Variants in OXR1 observed in about 807,000 individuals in gnomAD.
The protein encoded by OXR1 is oxidation resistance 1, also known as oxidation resistance protein 1.
A neutral mutation model predicts 104.6 loss-of-function variants in OXR1; 41 were observed. The ratio of observed to expected loss-of-function variants is 0.39; its 90% CI spans 0.31 to 0.51. OXR1 has a LOEUF of 0.51. Among genes scored for constraint, OXR1 ranks in the 20% least tolerant of loss-of-function variants. The pLI is 0.77. For missense variants in OXR1, 955 were observed against 1,031.9 expected (o/e 0.93, Z 1.02); for synonymous variants, 348 against 348.4 (o/e 1.00, Z 0.01).
At position 106,500,659 on chromosome 8, in the gene OXR1, C is replaced by A. The variant is rs546099604; in HGVS notation, c.24-18284C>A. ...GTTTTGTCTGTGGCTCATCCTGCTA[C>A]AATACATTGAAGCGTTACATCCAAG... is the stretch of plus-strand genomic sequence containing the variant. On this transcript the variant is annotated intron_variant, in intron 2 of 16. Coordinates refer to ENST00000517566, the MANE Select transcript of OXR1 (RefSeq NM_001198533.2). Among the ~76,000 whole-genome samples, 83 of 152,192 alleles carry A rather than the reference C, an allele frequency of 5.5e-4. 1 individual carries two copies. Among genetic ancestry groups the A allele is most frequent in the Non-Finnish European group, 9.8e-4 (67 of 68,046 alleles).
At chr8:106,574,080 A>C (rs1274529605) in intron 3 of OXR1, among the ~76,000 whole-genome samples, 1 of 152,216 alleles carries the variant, frequency 6.6e-6, no homozygotes. Context: ...TGGCTACTAA[A>C]TATAGTGATT....
chr8:106,395,663 TAG>T (rs1373064626), intron 2 of OXR1, among the ~76,000 whole-genome samples: 1 of 152,094 alleles, frequency 6.6e-6, no homozygotes, highest in Non-Finnish European at 1.5e-5. Context: ...CATAAAAGTA[TAG>T]ATATGTGTGT....
intron 1 of OXR1, among the ~76,000 whole-genome samples, chr8:106,324,548 G>GA (rs57979286): frequency 0.35 from 50,137 of 143,588 alleles, 10,730 homozygotes; most frequent in African/African-American, 0.63. Flanking sequence ...TACAAAAAAA[G>GA]AAAAAAAAAA....
At chr8:106,382,475 A>T (rs115646391) in intron 2 of OXR1, among the ~76,000 whole-genome samples, 1 of 152,108 alleles carries the variant, frequency 6.6e-6, no homozygotes, top group African/African-American at 2.4e-5. Context: ...CATATAACTA[A>T]CATTGATCTA....
At chr8:106,548,354 A>G (rs1815538342) in intron 3 of OXR1, among the ~76,000 whole-genome samples, 1 of 152,216 alleles carries the variant, frequency 6.6e-6, no homozygotes, top group Non-Finnish European at 1.5e-5. Context: ...CCAACAAGCC[A>G]AAATGTCCCT....
intron 2 of OXR1, among the ~76,000 whole-genome samples, chr8:106,419,665 G>A (rs1046387140): frequency 6.6e-6 from 1 of 152,164 alleles, no homozygotes; most frequent in Non-Finnish European, 1.5e-5. Context: ...ATTGTTGGGA[G>A]ACAGGCTTTT....
At chr8:106,484,013 G>T (rs1222649548) in intron 2 of OXR1, among the ~76,000 whole-genome samples, 1 of 152,028 alleles carries the variant, frequency 6.6e-6, no homozygotes, top group African/African-American at 2.4e-5. Flanking sequence ...CCTTGGGTAT[G>T]GTGATGATTT....
At chr8:106,636,154 G>A (rs763528903) in intron 3 of OXR1, among the ~76,000 whole-genome samples, 20 of 152,124 alleles carry the variant, frequency 1.3e-4, no homozygotes, top group Non-Finnish European at 2.8e-4. Flanking sequence ...ATTTAATAGA[G>A]TCCTGTACTA....
intron 2 of OXR1, among the ~76,000 whole-genome samples, chr8:106,406,921 G>T (rs1468321476): frequency 7.0e-6 from 1 of 141,880 alleles, no homozygotes; most frequent in African/African-American, 2.9e-5. Flanking sequence ...AAGTAATTGC[G>T]GTTCTTGCTG....
At chr8:106,422,914 T>C (rs1818964044) in intron 2 of OXR1, among the ~76,000 whole-genome samples, 1 of 152,158 alleles carries the variant, frequency 6.6e-6, no homozygotes, top group Non-Finnish European at 1.5e-5. Context: ...GTCTGAATAG[T>C]GCCTACTAAA....
At chr8:106,536,958 T>C (rs931995059) in intron 3 of OXR1, among the ~76,000 whole-genome samples, 34 of 152,194 alleles carry the variant, frequency 2.2e-4, no homozygotes, top group Non-Finnish European at 3.8e-4. Flanking sequence ...TGAATTGTTA[T>C]GACAAATTAC....
intron 3 of OXR1, among the ~76,000 whole-genome samples, chr8:106,532,964 T>C (rs1005823948): frequency 2.0e-5 from 3 of 152,348 alleles, no homozygotes; most frequent in Admixed American, 1.3e-4. Flanking sequence ...TGTTGATACA[T>C]TGCTATTAAT....
intron 3 of OXR1, among the ~76,000 whole-genome samples, chr8:106,618,545 C>G (rs761869162): frequency 6.6e-6 from 1 of 152,198 alleles, no homozygotes; most frequent in Non-Finnish European, 1.5e-5. Flanking sequence ...CTCTTCATGT[C>G]CAGTGGCCAT....
intron 2 of OXR1, among the ~76,000 whole-genome samples, chr8:106,500,203 T>A (rs1246600964): frequency 1.3e-5 from 2 of 152,220 alleles, no homozygotes; most frequent in African/African-American, 4.8e-5. Context: ...GACCCTCTCA[T>A]ATTATTTTAT....
intron 2 of OXR1, among the ~76,000 whole-genome samples, chr8:106,363,156 A>C (rs1297796134): frequency 6.6e-6 from 1 of 152,238 alleles, no homozygotes; most frequent in East Asian, 1.9e-4. Flanking sequence ...ACTAGTGAGC[A>C]TCTATAACAT....
At chr8:106,700,212 A>G (rs545335890) in intron 7 of OXR1, among the ~76,000 whole-genome samples, 1 of 152,316 alleles carries the variant, frequency 6.6e-6, no homozygotes, top group South Asian at 2.1e-4. Flanking sequence ...CTTGCTCATA[A>G]TAGTCTTAAT....
chr8:106,515,952 A>G (rs1812829234), intron 2 of OXR1, among the ~76,000 whole-genome samples: 1 of 152,048 alleles, frequency 6.6e-6, no homozygotes, highest in African/African-American at 2.4e-5. Context: ...TGATTCTTTT[A>G]CCATGTGATG....
At chr8:106,299,902 C>T (rs1281611201) in intron 1 of OXR1, among the ~76,000 whole-genome samples, 1 of 152,116 alleles carries the variant, frequency 6.6e-6, no homozygotes, top group Admixed American at 6.5e-5. Flanking sequence ...AAGAGACGGA[C>T]ACGTTGTAGA....
intron 1 of OXR1, among the ~76,000 whole-genome samples, chr8:106,320,699 T>C (rs1214939629): frequency 6.6e-6 from 1 of 151,862 alleles, no homozygotes; most frequent in Non-Finnish European, 1.5e-5. Flanking sequence ...GGGGACAGAG[T>C]CTTGCTCTGT....
Sources: gnomAD v4.1 joint callset for allele counts (sites outside exome capture counted in the v4.1 genomes callset) on GRCh38, gnomAD v4.1.1 for gene constraint, MANE v1.5 for transcripts, NCBI Gene and HGNC (gene_info 2026-07-23, HGNC 2026-07-21) for gene names.